NOTCH2: variants seen among roughly 807,000 people sequenced by gnomAD.
NOTCH2 encodes the protein notch receptor 2.
Under a neutral mutation model 235.8 loss-of-function variants are expected in NOTCH2, and 29 were observed. The ratio of observed to expected loss-of-function variants is 0.12; its 90% CI spans 0.09 to 0.17. The LOEUF (loss-of-function observed/expected upper bound fraction) is 0.17, where lower values mean the gene tolerates loss of function less well. NOTCH2 is among the 10% of genes least tolerant of loss of function. NOTCH2 has a pLI of 1.00. For synonymous variants in NOTCH2, 1,086 were observed against 1,141.5 expected, an observed-to-expected ratio of 0.95 and a Z score of 0.98; for missense variants, 2,285 against 3,150.2, an observed-to-expected ratio of 0.73 and a Z score of 6.57.
At chr1:119,952,101 G>C (rs1340665601) in intron 14 of NOTCH2, among the ~76,000 whole-genome samples, 1 of 152,180 alleles carries the variant, frequency 6.6e-6, no homozygotes, top group African/African-American at 2.4e-5. Context: ...AGACAGATGA[G>C]TGCAAATATA....
chr1:119,949,676 T>C (rs587740902), intron 15 of NOTCH2, among the ~76,000 whole-genome samples: 2 of 152,250 alleles, frequency 1.3e-5, no homozygotes, highest in African/African-American at 4.8e-5. Flanking sequence ...TGAGCCACCG[T>C]GCCTGGCCTA....
At chr1:119,995,767 C>T (rs1214647988) in intron 4 of NOTCH2, 2 of 152,156 alleles carry the variant, frequency 1.3e-5, no homozygotes, top group Admixed American at 6.5e-5. Context: ...TGTGACAATG[C>T]TTTGTATAGC....
At position 119,941,714 on chromosome 1, in the gene NOTCH2, A is replaced by T. The variant is rs1650070189; in HGVS notation, c.2793T>A (p.Asn931Lys). 6.2e-7 allele frequency: 1 copy of T among 1,614,198 alleles called. No individual in the cohort carries two copies. The highest frequency in any genetic ancestry group is 8.5e-7 in the Non-Finnish European group (1 of 1,180,018). The change falls in exon 18 of 34, where the codon AAT (asparagine) becomes AAA (lysine). Residue 931 changes from asparagine to lysine, a missense_variant. Around this residue, in one of 6 missense-constraint regions of NOTCH2, gnomAD observed 1,173 missense variants for 1,515.3 expected, o/e 0.77. Transcript: ENST00000256646. ...QNGGSCMDGV[N>K]TFSCLCLPGF... ...CCGGAAGGCAGAGGCAGGAGAAAGT[A>T]TTCACTCCATCCATACAGGAACCTC...
At chr1:119,989,271 T>A (rs1446566790) in intron 4 of NOTCH2, among the ~76,000 whole-genome samples, 1 of 152,208 alleles carries the variant, frequency 6.6e-6, no homozygotes, top group Non-Finnish European at 1.5e-5. Context: ...CAAATGGTCC[T>A]GGGACAACTA....
chr1:119,942,436 A>G lies in NOTCH2; in HGVS notation c.2753-682T>C, dbSNP rs375555801. 5.3e-5 allele frequency among the ~76,000 whole-genome samples: 8 copies of G among 152,256 alleles called. No individual in the cohort carries two copies. In the East Asian group the frequency reaches 1.3e-3, roughly 26 times the overall value. On this transcript the variant is annotated intron_variant, in intron 17 of 33. Coordinates refer to ENST00000256646, the MANE Select transcript of NOTCH2 (RefSeq NM_024408.4). ...AAAAATATAATTGCAAAGACAGGTC[A>G]TACATGTAAAATGAAAACTAAATAC...
chr1:119,925,554 G>T lies in NOTCH2; in HGVS notation c.4262C>A (p.Pro1421His). Residue 1421 changes from proline (P) to histidine (H), a missense_variant, in exon 25 of 34, where the codon CCT becomes CAT. Around this residue, in one of 6 missense-constraint regions of NOTCH2, gnomAD observed 1,173 missense variants for 1,515.3 expected, o/e 0.77. Transcript: ENST00000256646. Reference protein sequence around the residue: ...CELYTAPPSTPPATCLSQYCA... With the variant: ...CELYTAPPSTHPATCLSQYCA... ...ATACTGGCTCAGACAGGTGGCAGGA[G>T]GGGTGCTGGGGGGTGCCGTGTAGAG... 1 of 1,614,162 alleles carries T rather than the reference G, an allele frequency of 6.2e-7. No homozygotes were observed.
In NOTCH2 at chr1:119,919,560, T is replaced by C. The variant is rs2101150112; in HGVS notation, c.5533A>G (p.Ser1845Gly). Residue 1845 changes from serine to glycine, a missense_variant, in exon 31 of 34, where the codon AGT becomes GGT. Around this residue, in one of 6 missense-constraint regions of NOTCH2, gnomAD observed 1,173 missense variants for 1,515.3 expected, o/e 0.77. Transcript: ENST00000256646. Reference sequence around the variant, plus strand: ...TCCTCTGCATCTTCATCTTCATCACTCAAATCTGAGCTGCCTCCTCGGAGA... The same window carrying C: ...TCCTCTGCATCTTCATCTTCATCACCCAAATCTGAGCTGCCTCCTCGGAGA... ...ASLRGGSSDL[S>G]DEDEDAEDSS... The C allele has an allele frequency of 6.2e-7, 1 of 1,614,158 alleles. No individual in the cohort carries two copies. The highest frequency in any genetic ancestry group is 8.5e-7 in the Non-Finnish European group (1 of 1,180,026).
chr1:120,039,229 A>G (rs1263804865), intron 1 of NOTCH2, among the ~76,000 whole-genome samples: 1 of 152,210 alleles, frequency 6.6e-6, no homozygotes, highest in East Asian at 1.9e-4. Context: ...CTCTACAAAA[A>G]CTGCTATATA....
At position 119,916,509 on chromosome 1, in the gene NOTCH2, A is replaced by T; in HGVS notation, c.6213T>A (p.Pro2071=). 6.2e-7 allele frequency: 1 copy of T among 1,612,528 alleles called. No individual in the cohort carries two copies. The highest frequency in any genetic ancestry group is 8.5e-7 in the Non-Finnish European group (1 of 1,178,626). The change falls in exon 34 of 34, where the codon CCT becomes CCA. Residue 2071 remains proline (P), a synonymous_variant. Coordinates refer to ENST00000256646, the MANE Select transcript of NOTCH2 (RefSeq NM_024408.4). ...GAGCAGAAGTCAACACGGTGCCTGG[A>T]GGGCTTGGGGTCACATTGTATTCAT... is the stretch of plus-strand genomic sequence containing the variant. ...LLDEYNVTPS[P]PGTVLTSALS... is the part of the protein sequence containing the mutation.
intron 13 of NOTCH2, 71 bp downstream of exon 13, chr1:119,954,969 G>C: frequency 6.7e-7 from 1 of 1,501,952 alleles, no homozygotes; most frequent in Non-Finnish European, 9.2e-7. Context: ...ACTTCAGGCT[G>C]TCACCAGTAC....
In NOTCH2 at chr1:119,955,028, G is replaced by T. The variant is rs375127490; in HGVS notation, c.2219+12C>A. 2 of 1,612,810 alleles carry T rather than the reference G, an allele frequency of 1.2e-6. No homozygotes were observed. Among genetic ancestry groups the T allele is most frequent in the African/African-American group, 2.7e-5 (2 of 74,872 alleles). On this transcript the variant is annotated intron_variant, in intron 13 of 33. Coordinates refer to ENST00000256646, the MANE Select transcript of NOTCH2 (RefSeq NM_024408.4). Reference sequence around the variant, plus strand: ...GGTCAATAAGAAACTATCACATGGGGCAGCTACTCACCCACTGAGACCTCC... The same window carrying T: ...GGTCAATAAGAAACTATCACATGGGTCAGCTACTCACCCACTGAGACCTCC...
At position 119,924,000 on chromosome 1, in the gene NOTCH2, C is replaced by A; in HGVS notation, c.4512-16G>T. On this transcript the variant is annotated splice_polypyrimidine_tract_variant and intron_variant, in intron 25 of 33. Coordinates refer to ENST00000256646, the MANE Select transcript of NOTCH2 (RefSeq NM_024408.4). ...TTTGTCATACCTAGGTAAGGGGAAGCAGAGAACAGGCAAAAGAGCTCAGAT... is the reference window on the plus strand; with the variant it reads ...TTTGTCATACCTAGGTAAGGGGAAGAAGAGAACAGGCAAAAGAGCTCAGAT... The A allele has an allele frequency of 6.2e-7, 1 of 1,600,536 alleles. No individual in the cohort carries two copies. The highest frequency in any genetic ancestry group is 8.6e-7 in the Non-Finnish European group (1 of 1,168,100).
In NOTCH2 at chr1:119,915,047, A is replaced by G. The variant is rs1649016722; in HGVS notation, c.*259T>C. 1 of 531,670 alleles carries G rather than the reference A, an allele frequency of 1.9e-6. No homozygotes were observed. 32.9% of individuals were successfully genotyped at this position (531,670 alleles called of 1,614,324 possible). ...TTATTCTCCAAATAGAAGAGAGTAA[A>G]CATGGACCCAAGGCTTGTATTCATC... On this transcript the variant is annotated 3_prime_UTR_variant, in exon 34 of 34. Transcript: ENST00000256646.
At chr1:119,958,029 C>T (rs890600464) in intron 12 of NOTCH2, among the ~76,000 whole-genome samples, 5 of 152,160 alleles carry the variant, frequency 3.3e-5, no homozygotes, top group African/African-American at 1.2e-4. Flanking sequence ...TGTAGGTATT[C>T]TCAACGTCGG....
chr1:119,928,316 T>G (rs1395434147), intron 23 of NOTCH2, among the ~76,000 whole-genome samples: 2 of 152,172 alleles, frequency 1.3e-5, no homozygotes, highest in Non-Finnish European at 2.9e-5. Context: ...ACTTTTCATT[T>G]CATACCCACA....
At chr1:120,062,996 G>A (rs1268426977) in intron 1 of NOTCH2, among the ~76,000 whole-genome samples, 1 of 151,858 alleles carries the variant, frequency 6.6e-6, no homozygotes, top group African/African-American at 2.4e-5. Flanking sequence ...AGAGAGACAG[G>A]AGAAAAAACA....
rs587669706 is a variant in NOTCH2 at position 119,941,862 on chromosome 1, T to C, written c.2753-108A>G. The C allele has an allele frequency of 9.0e-6, 8 of 884,728 alleles. No homozygotes were observed. The East Asian group carries it at 2.1e-4, about 23-fold the overall frequency. The allele number at this position is 884,728 out of a possible 1,614,324, so 54.8% of individuals were successfully genotyped here. On this transcript the variant is annotated intron_variant, in intron 17 of 33. Coordinates refer to ENST00000256646, the MANE Select transcript of NOTCH2 (RefSeq NM_024408.4). ...AGTCATGCTGGGGGCAGCATAATTCTGACTTTTTCATTCAATTTTGCCAAC... is the reference window on the plus strand; with the variant it reads ...AGTCATGCTGGGGGCAGCATAATTCCGACTTTTTCATTCAATTTTGCCAAC...
At chr1:119,930,453 A>G (rs1553194949) in intron 22 of NOTCH2, among the ~76,000 whole-genome samples, 1 of 151,328 alleles carries the variant, frequency 6.6e-6, no homozygotes, top group African/African-American at 2.4e-5. Flanking sequence ...ATCAATGACT[A>G]TTCTAGAAAT....
chr1:120,047,577 G>A (rs1408966599), intron 1 of NOTCH2, among the ~76,000 whole-genome samples: 4 of 109,360 alleles, frequency 3.7e-5, no homozygotes, highest in African/African-American at 1.2e-4. Context: ...CCGGCTACTC[G>A]GGAGGCTAAG....
Sources: gnomAD v4.1 joint callset for allele counts (sites outside exome capture counted in the v4.1 genomes callset) on GRCh38, gnomAD v4.1.1 for gene constraint, gnomAD v4.1.1 regional missense constraint, MANE v1.5 for transcripts, NCBI Gene and HGNC (gene_info 2026-07-23, HGNC 2026-07-21) for gene names.